Variants in SLC4A5 observed in about 807,000 individuals in gnomAD.
SLC4A5 encodes the protein solute carrier family 4 member 5, also known as electrogenic sodium bicarbonate cotransporter 4.
Under a neutral mutation model 120.4 loss-of-function variants are expected in SLC4A5, and 96 were observed. That is an observed-to-expected ratio of 0.80 (90% confidence interval 0.68 to 0.94). The LOEUF is 0.94. Ranked by LOEUF, SLC4A5 falls within the 40% of genes least tolerant of loss-of-function variation. SLC4A5 has a pLI of 0.00. For synonymous variants in SLC4A5, 550 were observed against 571.1 expected (o/e 0.96, Z 0.53); for missense variants, 1,259 against 1,459.5 (o/e 0.86, Z 2.24).
chr2:74,281,811 C>T (rs1461213606), intron 8 of SLC4A5, among the ~76,000 whole-genome samples: 1 of 152,220 alleles, frequency 6.6e-6, no homozygotes, highest in East Asian at 1.9e-4. Context: ...ATAAAGCAAA[C>T]ACTCCCTGCA....
chr2:74,251,707 C>T (rs872293), intron 16 of SLC4A5, among the ~76,000 whole-genome samples: 10,137 of 152,194 alleles, frequency 0.067, 579 homozygotes, highest in Admixed American at 0.15. Context: ...GGTGGAGAGG[C>T]AGAGCCGGGG....
chr2:74,265,683 C>T (rs1671280400), intron 8 of SLC4A5, among the ~76,000 whole-genome samples: 2 of 152,196 alleles, frequency 1.3e-5, no homozygotes. Context: ...GCTGTTCACA[C>T]ATGAGTGTTC....
At chr2:74,239,578 G>A in intron 20 of SLC4A5, 43 bp from the exon 21 acceptor site, 1 of 1,596,634 alleles carries the variant, frequency 6.3e-7, no homozygotes, top group African/African-American at 1.3e-5. Context: ...GCATCTTCCT[G>A]ATGAGTCAGC....
chr2:74,247,921 T>C (rs1670666773), intron 18 of SLC4A5, among the ~76,000 whole-genome samples: 1 of 151,956 alleles, frequency 6.6e-6, no homozygotes, highest in Non-Finnish European at 1.5e-5. Context: ...AAACAGGGAA[T>C]TTTGGAAGAA....
intron 8 of SLC4A5, among the ~76,000 whole-genome samples, chr2:74,265,745 C>T (rs1300570524): frequency 6.6e-6 from 1 of 152,134 alleles, no homozygotes. Context: ...AAGTATTTCT[C>T]CCTGAGTTCC....
At chr2:74,336,785 C>T (rs1350785878) in intron 3 of SLC4A5, among the ~76,000 whole-genome samples, 12 of 152,098 alleles carry the variant, frequency 7.9e-5, no homozygotes, top group African/African-American at 2.9e-4. Flanking sequence ...TTTTATATGC[C>T]TTGCAAGATT....
At chr2:74,247,105 G>A (rs779527012) in exon 19 of SLC4A5, 1 of 1,614,162 alleles carries the variant, frequency 6.2e-7, no homozygotes, top group Non-Finnish European at 8.5e-7. Context: ...ATATTGATAG[G>A]GTAGTACTTG....
chr2:74,220,541 G>C (rs915642031), intron 30 of SLC4A5, among the ~76,000 whole-genome samples: 1 of 151,956 alleles, frequency 6.6e-6, no homozygotes, highest in African/African-American at 2.4e-5. Flanking sequence ...TTTTGAGATG[G>C]AGTCTTGCTC....
intron 12 of SLC4A5, among the ~76,000 whole-genome samples, chr2:74,256,235 C>T (rs1222269144): frequency 1.3e-5 from 2 of 152,132 alleles, no homozygotes; most frequent in Non-Finnish European, 2.9e-5. Context: ...AGAGAAGAGC[C>T]CCGGGGTTGC....
intron 7 of SLC4A5, among the ~76,000 whole-genome samples, chr2:74,286,349 T>C (rs957514611): frequency 5.3e-5 from 8 of 152,146 alleles, no homozygotes; most frequent in African/African-American, 1.9e-4. Context: ...CACACCCTTG[T>C]ACCATGTGGG....
intron 21 of SLC4A5, among the ~76,000 whole-genome samples, chr2:74,239,111 G>A (rs562676966): frequency 1.3e-5 from 2 of 152,312 alleles, no homozygotes; most frequent in East Asian, 3.9e-4. Flanking sequence ...AAAACACAAT[G>A]AGATACTACT....
chr2:74,244,107 C>G (rs1281653800), intron 19 of SLC4A5, among the ~76,000 whole-genome samples: 1 of 152,216 alleles, frequency 6.6e-6, no homozygotes, highest in East Asian at 1.9e-4. Flanking sequence ...CAGTTCTCCC[C>G]CCTCATCCCA....
chr2:74,216,527 A>G (rs968746017), exon 31 of SLC4A5: 6 of 152,244 alleles, frequency 3.9e-5, no homozygotes, highest in African/African-American at 9.6e-5. Context: ...CAGATCAGCC[A>G]GGTTTTAAAA....
intron 8 of SLC4A5, among the ~76,000 whole-genome samples, chr2:74,278,081 G>GA (rs1671701258): frequency 6.6e-6 from 1 of 152,158 alleles, no homozygotes; most frequent in Non-Finnish European, 1.5e-5. Context: ...AAATATACAT[G>GA]AATAGGTAAA....
In SLC4A5 at chr2:74,319,466, G is replaced by T. The variant is rs554246931; in HGVS notation, c.-2-4441C>A. The T allele has an allele frequency of 2.0e-5, 3 of 152,238 alleles. No individual in the cohort carries two copies. In the East Asian group the frequency reaches 5.8e-4, roughly 29 times the overall value. The allele number at this position is 152,238 out of a possible 1,614,324, so 9.4% of individuals were successfully genotyped here. On this transcript the variant is annotated intron_variant, in intron 5 of 30. Coordinates refer to ENST00000394019, the Ensembl canonical transcript of SLC4A5. ...AAGATAAGCATGACCCCTGTACAAAGATTACAAAACAAAGACAAAAACAAA... is the reference window on the plus strand; with the variant it reads ...AAGATAAGCATGACCCCTGTACAAATATTACAAAACAAAGACAAAAACAAA...
chr2:74,247,818 A>T (rs1316289751), intron 18 of SLC4A5, among the ~76,000 whole-genome samples: 1 of 152,114 alleles, frequency 6.6e-6, no homozygotes, highest in Non-Finnish European at 1.5e-5. Flanking sequence ...CCCGGCCAAA[A>T]AAAAATTTTT....
At chr2:74,269,378 TTTTGTTTG>T (rs60475335) in intron 8 of SLC4A5, among the ~76,000 whole-genome samples, 55 of 150,978 alleles carry the variant, frequency 3.6e-4, no homozygotes, top group African/African-American at 6.4e-4. Context: ...GCTGTTTGTT[TTTTGTTTG>T]TTTGTTTGTT....
chr2:74,243,586 G>A (rs777564042), intron 19 of SLC4A5, among the ~76,000 whole-genome samples: 2 of 152,278 alleles, frequency 1.3e-5, no homozygotes, highest in South Asian at 2.1e-4. Context: ...CAGAGAAGCC[G>A]GGCAGGAAGG....
At chr2:74,320,010 A>G (rs1406940272) in intron 5 of SLC4A5, among the ~76,000 whole-genome samples, 1 of 152,218 alleles carries the variant, frequency 6.6e-6, no homozygotes, top group Non-Finnish European at 1.5e-5. Flanking sequence ...AAAGAATAAG[A>G]CAGAACTTTT....
Sources: gnomAD v4.1 joint callset for allele counts (sites outside exome capture counted in the v4.1 genomes callset) on GRCh38, gnomAD v4.1.1 for gene constraint, MANE v1.5 for transcripts, NCBI Gene and HGNC (gene_info 2026-07-23, HGNC 2026-07-21) for gene names.